The following USP45 variants were observed in gnomAD, a reference collection of about 807,000 sequenced individuals.
USP45 encodes ubiquitin carboxyl-terminal hydrolase 45.
USP45 carries 89 observed loss-of-function variants against 95.8 expected under a neutral mutation model. That is an observed-to-expected ratio of 0.93 (90% CI 0.78 to 1.11). The LOEUF is 1.11. USP45 is among the 50% of genes least tolerant of loss of function. The pLI is 0.00. For missense variants in USP45, 898 were observed against 942.5 expected, an observed-to-expected ratio of 0.95 and a Z score of 0.62; for synonymous variants, 281 against 316.2, an observed-to-expected ratio of 0.89 and a Z score of 1.18.
chr6:99,507,028 G>A (rs987714948), intron 4 of USP45, among the ~76,000 whole-genome samples: 1 of 152,186 alleles, frequency 6.6e-6, no homozygotes, highest in Non-Finnish European at 1.5e-5. Context: ...GCAACATGGT[G>A]AAACCCTGTC....
chr6:99,459,655 C>T (rs1785933488), intron 13 of USP45, among the ~76,000 whole-genome samples: 1 of 152,170 alleles, frequency 6.6e-6, no homozygotes, highest in South Asian at 2.1e-4. Flanking sequence ...TATTTTTTGA[C>T]TTTTTAATAA....
chr6:99,515,770 CTTTTTTTT>C (rs56926251), upstream of USP45, among the ~76,000 whole-genome samples: 6 of 88,468 alleles, frequency 6.8e-5, no homozygotes, highest in South Asian at 1.3e-3. Context: ...CCTCTGAACT[CTTTTTTTT>C]TTTTTTTTTT....
chr6:99,489,195 T>C (rs1794644674), intron 5 of USP45, among the ~76,000 whole-genome samples: 2 of 152,168 alleles, frequency 1.3e-5, no homozygotes, highest in Admixed American at 1.3e-4. Context: ...GTAGCAAAGA[T>C]GCAAAATGAA....
intron 13 of USP45, among the ~76,000 whole-genome samples, chr6:99,450,297 AAAG>A (rs1264538484): frequency 1.3e-5 from 2 of 152,166 alleles, no homozygotes; most frequent in East Asian, 3.8e-4. Flanking sequence ...CAAGACAAAT[AAAG>A]AAGAAAAGAG....
intron 13 of USP45, among the ~76,000 whole-genome samples, chr6:99,452,816 G>A (rs1784177350): frequency 6.6e-6 from 1 of 152,140 alleles, no homozygotes; most frequent in Admixed American, 6.5e-5. Flanking sequence ...AGAAAATGTG[G>A]CACATATACA....
chr6:99,467,259 A>T (rs542847038), intron 10 of USP45, among the ~76,000 whole-genome samples: 26 of 152,322 alleles, frequency 1.7e-4, no homozygotes, highest in East Asian at 3.9e-4. Context: ...TTTATAAATT[A>T]AAAAAATGCC....
Position 99,439,764 on chromosome 6 carries a change from T to C in USP45, c.2160+5A>G, listed in dbSNP as rs1367952042. On this transcript the variant is annotated splice_donor_5th_base_variant and intron_variant, in intron 16 of 17. Transcript: ENST00000500704. ...AAATCAATTAAATATCTTAATATAC[T>C]GTACCTTACAAGTAGCAGAGCAGAA... 1.9e-6 allele frequency: 3 copies of C among 1,575,294 alleles called. No individual in the cohort carries two copies. The highest frequency in any genetic ancestry group is 2.6e-6 in the Non-Finnish European group (3 of 1,156,604).
Position 99,477,562 on chromosome 6 carries a change from C to T in USP45, c.846-1332G>A, listed in dbSNP as rs188255131. On this transcript the variant is annotated intron_variant, in intron 8 of 17. Coordinates refer to ENST00000500704, the MANE Select transcript of USP45 (RefSeq NM_001346022.3). ...TCCTGACCTCAAATGATCCACCCAC[C>T]TCAGCCTCTCAAAGTGCTGGAATTA... Among the ~76,000 whole-genome samples the T allele has an allele frequency of 7.9e-5, 12 of 152,286 alleles. 1 individual carries two copies. The East Asian group carries it at 1.7e-3, about 22-fold the overall frequency.
chr6:99,502,721 A>T (rs564146917), intron 5 of USP45, among the ~76,000 whole-genome samples: 1 of 152,318 alleles, frequency 6.6e-6, no homozygotes, highest in Admixed American at 6.5e-5. Flanking sequence ...GGATCATGGG[A>T]GTGGGCTTCT....
At chr6:99,507,391 G>A in intron 4 of USP45, 37 bp downstream of exon 4, 1 of 1,295,318 alleles carries the variant, frequency 7.7e-7, no homozygotes, top group Non-Finnish European at 1.1e-6. Flanking sequence ...GGGGGGCTGT[G>A]GTTAGTGGAC....
intron 13 of USP45, chr6:99,460,684 G>T: frequency 1.6e-6 from 1 of 625,766 alleles, no homozygotes; most frequent in Non-Finnish European, 2.0e-6. Context: ...TTGGTGACTG[G>T]TCTGATTGGT....
intron 16 of USP45, among the ~76,000 whole-genome samples, chr6:99,439,080 ATTTTG>A (rs1311137630): frequency 6.6e-6 from 1 of 152,206 alleles, no homozygotes; most frequent in African/African-American, 2.4e-5. Flanking sequence ...ATTTAAGATG[ATTTTG>A]TTTTGATTAT....
intron 4 of USP45, among the ~76,000 whole-genome samples, chr6:99,506,368 C>T (rs1055515124): frequency 1.3e-5 from 2 of 152,138 alleles, no homozygotes; most frequent in Admixed American, 6.5e-5. Context: ...ACTCTATCAC[C>T]CAGGCTGGAG....
chr6:99,483,445 G>A lies in USP45; in HGVS notation c.715-562C>T, dbSNP rs75943271. 1.8e-4 allele frequency among the ~76,000 whole-genome samples: 27 copies of A among 152,112 alleles called. No individual in the cohort carries two copies. In the East Asian group the frequency reaches 4.1e-3, roughly 23 times the overall value. ...TTAATTCTAGAATTTTTTTCCCCTC[G>A]AAATCTGGTTTCTAAAGTACTATCC... is the stretch of plus-strand genomic sequence containing the variant. On this transcript the variant is annotated intron_variant, in intron 7 of 17. Transcript: ENST00000500704.
chr6:99,475,225 A>C (rs1432499989), intron 9 of USP45, among the ~76,000 whole-genome samples: 1 of 152,174 alleles, frequency 6.6e-6, no homozygotes, highest in Non-Finnish European at 1.5e-5. Context: ...AACTAGGATA[A>C]TAAGAAGAAT....
intron 4 of USP45, among the ~76,000 whole-genome samples, chr6:99,505,834 T>C (rs977478665): frequency 6.6e-6 from 1 of 152,136 alleles, no homozygotes; most frequent in African/African-American, 2.4e-5. Context: ...AATTAGAATT[T>C]CTAAGACTGG....
intron 13 of USP45, chr6:99,461,064 A>G (rs1032876805): frequency 1.2e-5 from 12 of 985,306 alleles, no homozygotes; most frequent in Non-Finnish European, 1.4e-5. Context: ...CCAGAGCACA[A>G]TGCACTTCTG....
At chr6:99,515,142 G>GCC (rs1246382571) in intron 1 of USP45, 5 of 152,400 alleles carry the variant, frequency 3.3e-5, no homozygotes, top group African/African-American at 1.2e-4. Context: ...GGGGACTCGG[G>GCC]CCCCTCCCAG....
chr6:99,500,121 C>T (rs1182591348), intron 5 of USP45, among the ~76,000 whole-genome samples: 1 of 151,956 alleles, frequency 6.6e-6, no homozygotes, highest in Non-Finnish European at 1.5e-5. Flanking sequence ...TCAAAGCCAT[C>T]TACTGTCTTT....
Sources: gnomAD v4.1 joint callset for allele counts (sites outside exome capture counted in the v4.1 genomes callset) on GRCh38, gnomAD v4.1.1 for gene constraint, MANE v1.5 for transcripts, NCBI Gene and HGNC (gene_info 2026-07-23, HGNC 2026-07-21) for gene names.